The following PCDH9 variants were observed in gnomAD, a reference collection of about 807,000 sequenced individuals.
PCDH9 encodes protocadherin 9, also known as protocadherin-9.
Under a neutral mutation model 70.6 loss-of-function variants are expected in PCDH9, and 24 were observed. The observed-to-expected ratio is 0.34, with a 90% CI of 0.25 to 0.48. The LOEUF (loss-of-function observed/expected upper bound fraction) is 0.48. Among genes scored for constraint, PCDH9 ranks in the 20% least tolerant of loss-of-function variants. The pLI, the probability that PCDH9 is intolerant of heterozygous loss-of-function variation, is 0.99. For synonymous variants in PCDH9, 562 were observed against 558.5 expected, an observed-to-expected ratio of 1.01 and a Z score of -0.09; for missense variants, 1,281 against 1,503.6, an observed-to-expected ratio of 0.85 and a Z score of 2.45.
At chr13:67,054,469 A>G (rs1261321456) in intron 2 of PCDH9, among the ~76,000 whole-genome samples, 1 of 152,146 alleles carries the variant, frequency 6.6e-6, no homozygotes, top group East Asian at 1.9e-4. Context: ...GTTTGAAAAT[A>G]ATTTATTCAA....
chr13:67,051,029 T>C (rs260165), intron 2 of PCDH9, among the ~76,000 whole-genome samples: 135,713 of 152,206 alleles, frequency 0.89, 60,595 homozygotes, highest in East Asian at 0.98. Context: ...TTCTTTCACT[T>C]GGTTTTTGAA....
chr13:66,597,926 CA>C (rs143609482), intron 4 of PCDH9, among the ~76,000 whole-genome samples: 2 of 147,550 alleles, frequency 1.4e-5, no homozygotes, highest in East Asian at 4.0e-4. Context: ...GACACTTCTC[CA>C]AAAAAAAACA....
At chr13:66,624,033 G>A (rs1040956973) in intron 4 of PCDH9, among the ~76,000 whole-genome samples, 5 of 152,170 alleles carry the variant, frequency 3.3e-5, no homozygotes, top group African/African-American at 1.2e-4. Flanking sequence ...TGATTAAACA[G>A]CAGAAAATCC....
At chr13:66,583,958 T>C (rs926193897) in intron 4 of PCDH9, among the ~76,000 whole-genome samples, 2 of 152,186 alleles carry the variant, frequency 1.3e-5, no homozygotes, top group African/African-American at 4.8e-5. Flanking sequence ...AGTCAAACTA[T>C]AATTTGGCCT....
chr13:66,714,334 G>T (rs1343519792), intron 3 of PCDH9, among the ~76,000 whole-genome samples: 1 of 151,674 alleles, frequency 6.6e-6, no homozygotes, highest in Non-Finnish European at 1.5e-5. Context: ...GCGTGGTGGC[G>T]GGTGCCTGTA....
chr13:67,077,105 CCTT>C (rs1447841891), intron 2 of PCDH9, among the ~76,000 whole-genome samples: 1 of 152,154 alleles, frequency 6.6e-6, no homozygotes, highest in Non-Finnish European at 1.5e-5. Flanking sequence ...CAGATCACAG[CCTT>C]CTTCTGTTCA....
intron 2 of PCDH9, among the ~76,000 whole-genome samples, chr13:67,193,908 A>G (rs1436031818): frequency 6.6e-6 from 1 of 152,158 alleles, no homozygotes; most frequent in Non-Finnish European, 1.5e-5. Flanking sequence ...CGAGGCCAAC[A>G]TTTAACTTCA....
intron 2 of PCDH9, among the ~76,000 whole-genome samples, chr13:67,114,848 C>T (rs970742906): frequency 1.3e-5 from 2 of 152,190 alleles, no homozygotes; most frequent in African/African-American, 4.8e-5. Context: ...GATATTTTTT[C>T]CTTTGTATCT....
chr13:66,725,092 A>ACC (rs2078988723), intron 3 of PCDH9, among the ~76,000 whole-genome samples: 1 of 151,498 alleles, frequency 6.6e-6, no homozygotes, highest in Non-Finnish European at 1.5e-5. Context: ...TCAAAAATAC[A>ACC]CCCCCACACT....
chr13:67,083,183 T>A (rs2086021029), intron 2 of PCDH9, among the ~76,000 whole-genome samples: 1 of 152,138 alleles, frequency 6.6e-6, no homozygotes. Flanking sequence ...TCAACAAAAA[T>A]ATATATAAAT....
chr13:67,134,321 A>T (rs551879315), intron 2 of PCDH9, among the ~76,000 whole-genome samples: 1 of 152,258 alleles, frequency 6.6e-6, no homozygotes, highest in South Asian at 2.1e-4. Context: ...TAAAAACACA[A>T]ACTTGTAATA....
chr13:66,923,516 A>G (rs1253264728), intron 2 of PCDH9, among the ~76,000 whole-genome samples: 3 of 151,696 alleles, frequency 2.0e-5, no homozygotes, highest in African/African-American at 7.2e-5. Flanking sequence ...AAAATAAAAA[A>G]TCTATCATCA....
At chr13:66,931,990 GA>G (rs1284311036) in intron 2 of PCDH9, among the ~76,000 whole-genome samples, 34 of 152,068 alleles carry the variant, frequency 2.2e-4, no homozygotes, top group Admixed American at 2.2e-3. Flanking sequence ...CCTTGTGTTT[GA>G]ATAAAACAGT....
intron 3 of PCDH9, among the ~76,000 whole-genome samples, chr13:66,723,246 AAAAC>A (rs1393127907): frequency 2.0e-5 from 3 of 152,116 alleles, no homozygotes; most frequent in Admixed American, 6.6e-5. Context: ...TTCTTATTCA[AAAAC>A]AAACAAACAA....
At chr13:66,392,760 A>C (rs953515734) in intron 4 of PCDH9, among the ~76,000 whole-genome samples, 6 of 152,200 alleles carry the variant, frequency 3.9e-5, no homozygotes, top group African/African-American at 1.2e-4. Context: ...AATGCTACAA[A>C]GGTAGCATCT....
At chr13:66,444,803 C>T (rs1482674701) in intron 4 of PCDH9, among the ~76,000 whole-genome samples, 2 of 152,076 alleles carry the variant, frequency 1.3e-5, no homozygotes, top group East Asian at 1.9e-4. Flanking sequence ...TCAGGTGATC[C>T]GCCTTCCCCG....
At chr13:66,998,623 C>T (rs1327001002) in intron 2 of PCDH9, among the ~76,000 whole-genome samples, 2 of 152,130 alleles carry the variant, frequency 1.3e-5, no homozygotes, top group Non-Finnish European at 2.9e-5. Flanking sequence ...TTAAGGAAAA[C>T]ATAATTCAGG....
intron 4 of PCDH9, among the ~76,000 whole-genome samples, chr13:66,384,751 A>C (rs1018760421): frequency 6.6e-6 from 1 of 151,964 alleles, no homozygotes; most frequent in Non-Finnish European, 1.5e-5. Flanking sequence ...TACAACCTCC[A>C]CCTCTCGGGC....
intron 2 of PCDH9, among the ~76,000 whole-genome samples, chr13:67,134,107 A>T (rs2087173375): frequency 6.6e-6 from 1 of 152,112 alleles, no homozygotes; most frequent in South Asian, 2.1e-4. Context: ...TTAAAATAAA[A>T]TCCTCTAAGA....
Sources: allele counts gnomAD v4.1 joint callset (sites outside exome capture counted in the v4.1 genomes callset), GRCh38; gene constraint gnomAD v4.1.1; transcripts MANE v1.5; gene names NCBI Gene and HGNC (gene_info 2026-07-23, HGNC 2026-07-21).